Variants in FAM228B observed in about 807,000 individuals in gnomAD.
FAM228B encodes the protein family with sequence similarity 228 member B.
In FAM228B, 38 loss-of-function variants were observed where a neutral mutation model predicts 42.6. The ratio of observed to expected loss-of-function variants is 0.89; its 90% confidence interval spans 0.69 to 1.17. FAM228B has a LOEUF of 1.17. Ranked by LOEUF, FAM228B falls within the 50% of genes most tolerant of loss-of-function variation. The probability of loss-of-function intolerance (pLI) is 0.00; values close to 1 mark genes in which losing one functional copy is unlikely to be tolerated. For synonymous variants in FAM228B, 109 were observed against 122.3 expected, an observed-to-expected ratio of 0.89 and a Z score of 0.72; for missense variants, 344 against 367.3, an observed-to-expected ratio of 0.94 and a Z score of 0.52.
intron 3 of FAM228B, among the ~76,000 whole-genome samples, chr2:24,136,640 G>C (rs561593855): frequency 6.6e-6 from 1 of 152,134 alleles, no homozygotes; most frequent in African/African-American, 2.4e-5. Context: ...TAGGATTACC[G>C]GCGTGAGCCA....
intron 7 of FAM228B, among the ~76,000 whole-genome samples, chr2:24,156,046 G>T (rs1026954125): frequency 6.6e-6 from 1 of 152,174 alleles, no homozygotes; most frequent in Non-Finnish European, 1.5e-5. Flanking sequence ...AGAAGCTCAA[G>T]TGCTTAACGA....
rs1030617514 is a variant in FAM228B, at chr2:24,167,708, C to T, written c.*14+25C>T. ...GGTAGATGTCTTCTCTCTTTCCCTT[C>T]TTACTCTCCTATTCCTTACCCCTGT... is the stretch of plus-strand genomic sequence containing the variant. On this transcript the variant is annotated intron_variant, in intron 10 of 10. Transcript: ENST00000615575. 6 of 1,550,792 alleles carry T rather than the reference C, an allele frequency of 3.9e-6. No homozygotes were observed. In the African/African-American group the frequency reaches 8.2e-5, roughly 21 times the overall value.
intron 2 of FAM228B, among the ~76,000 whole-genome samples, chr2:24,091,422 T>C (rs12713185): frequency 0.12 from 18,127 of 152,018 alleles, 1,263 homozygotes; most frequent in South Asian, 0.18. Flanking sequence ...CAGAGTGAGA[T>C]TCCGTCTCAA....
At position 24,080,884 on chromosome 2, in the gene FAM228B, C is replaced by T. The variant is rs1664970707; in HGVS notation, c.-281C>T. 2.5e-6 allele frequency: 4 copies of T among 1,614,192 alleles called. No homozygotes were observed. The highest frequency in any genetic ancestry group is 3.4e-6 in the Non-Finnish European group (4 of 1,180,048). Reference sequence around the variant, plus strand: ...TTTGTAATTGAATCCAGCAGCTGCTCCAAGCTTTTCTGCCATTTGAAGCTT... The same window carrying T: ...TTTGTAATTGAATCCAGCAGCTGCTTCAAGCTTTTCTGCCATTTGAAGCTT... On this transcript the variant is annotated 5_prime_UTR_variant, in exon 2 of 11. Transcript: ENST00000613899. The surrounding 1 kb of genome is among the most constrained non-coding windows in gnomAD (Gnocchi z 4.7).
intron 2 of FAM228B, among the ~76,000 whole-genome samples, chr2:24,094,790 G>A (rs1212612266): frequency 1.3e-5 from 2 of 152,178 alleles, no homozygotes; most frequent in African/African-American, 4.8e-5. Context: ...GCCTACATCA[G>A]GCTTTTAAAT....
At chr2:24,131,240 A>G (rs1666446710) in intron 2 of FAM228B, among the ~76,000 whole-genome samples, 1 of 152,180 alleles carries the variant, frequency 6.6e-6, no homozygotes, top group African/African-American at 2.4e-5. Context: ...GCCTTGTAGT[A>G]TAGTTTAAAG....
intron 3 of FAM228B, chr2:24,096,281 C>T (rs1206673152): frequency 6.6e-6 from 1 of 152,186 alleles, no homozygotes; most frequent in Admixed American, 6.5e-5. Context: ...TGGAGAATGA[C>T]TTTGACAAGT....
At chr2:24,130,868 T>G (rs1446974649) in intron 2 of FAM228B, among the ~76,000 whole-genome samples, 1 of 152,198 alleles carries the variant, frequency 6.6e-6, no homozygotes, top group Non-Finnish European at 1.5e-5. Flanking sequence ...CATGAAGTCT[T>G]TGCCCATGCC....
intron 1 of FAM228B, among the ~76,000 whole-genome samples, chr2:24,123,823 G>A (rs915465907): frequency 6.6e-6 from 1 of 152,094 alleles, no homozygotes; most frequent in Non-Finnish European, 1.5e-5. Context: ...TGGGCGCGAT[G>A]AGCGAGAGCG....
intron 3 of FAM228B, among the ~76,000 whole-genome samples, chr2:24,104,767 T>C (rs985432386): frequency 4.0e-5 from 6 of 151,740 alleles, no homozygotes; most frequent in African/African-American, 1.5e-4. Context: ...CCTCCTGTTG[T>C]CATAGGAAGC....
At chr2:24,091,463 A>T (rs1247235160) in intron 2 of FAM228B, among the ~76,000 whole-genome samples, 3 of 152,138 alleles carry the variant, frequency 2.0e-5, no homozygotes, top group Non-Finnish European at 2.9e-5. Context: ...ACAAACAAAT[A>T]CAAAAAACCA....
In FAM228B at chr2:24,142,664, G is replaced by A. The variant is rs1043134746; in HGVS notation, c.441+3214G>A. The A allele has an allele frequency of 2.6e-5, 4 of 152,256 alleles. No homozygotes were observed. In the East Asian group the frequency reaches 5.8e-4, roughly 22 times the overall value. The allele number at this position is 152,256 out of a possible 1,614,324, so 9.4% of individuals were successfully genotyped here. ...ATAGTTATTAAGTCTTGGGTATTTG[G>A]CGGATATTTTCTGGAAAATGAATGA... On this transcript the variant is annotated intron_variant, in intron 5 of 10. Transcript: ENST00000615575.
At position 24,084,345 on chromosome 2, in the gene FAM228B, G is replaced by GCAGGGCAGGGCAGGACAGGA. The variant is rs1241781221; in HGVS notation, c.-210+3405_-210+3424dup. ...CTAACATATTGTCTGAGGACACAGG[G>GCAGGGCAGGGCAGGACAGGA]CAGGGCAGGGCAGGACAGGACAGGG... On this transcript the variant is annotated intron_variant, in intron 2 of 10. Coordinates refer to the FAM228B transcript ENST00000613899. The surrounding 1 kb of genome is among the most constrained non-coding windows in gnomAD (Gnocchi z 8.4). 55 of 1,406,814 alleles carry GCAGGGCAGGGCAGGACAGGA rather than the reference G, an allele frequency of 3.9e-5. 4 individuals are homozygous for GCAGGGCAGGGCAGGACAGGA. The highest frequency in any genetic ancestry group is 5.1e-5 in the Non-Finnish European group (53 of 1,034,826). 87.1% of individuals were successfully genotyped at this position (1,406,814 alleles called of 1,614,324 possible).
chr2:24,120,678 C>T (rs898315417), upstream of FAM228B, among the ~76,000 whole-genome samples: 1 of 151,920 alleles, frequency 6.6e-6, no homozygotes, highest in Non-Finnish European at 1.5e-5. Context: ...GCCTCAGCCT[C>T]CCAAGTAGCT....
intron 2 of FAM228B, among the ~76,000 whole-genome samples, chr2:24,090,576 A>G (rs1412409463): frequency 6.6e-6 from 1 of 151,690 alleles, no homozygotes; most frequent in African/African-American, 2.4e-5. Flanking sequence ...AAAAAAAAAA[A>G]AAAAAAATAG....
intron 3 of FAM228B, among the ~76,000 whole-genome samples, chr2:24,116,893 AAG>A (rs147290185): frequency 0.12 from 17,648 of 151,294 alleles, 1,200 homozygotes; most frequent in South Asian, 0.18. Context: ...AAAAAAGAAA[AAG>A]AAAAACAGAA....
At chr2:24,120,074 G>T (rs1338150312), upstream of FAM228B, among the ~76,000 whole-genome samples, 1 of 152,082 alleles carries the variant, frequency 6.6e-6, no homozygotes, top group Middle Eastern at 3.2e-3. Context: ...TTTGAGACCA[G>T]CCTGGCCAAC....
At chr2:24,168,791 A>AGG (rs1223648398) in intron 10 of FAM228B, among the ~76,000 whole-genome samples, 1 of 152,078 alleles carries the variant, frequency 6.6e-6, no homozygotes, top group Non-Finnish European at 1.5e-5. Flanking sequence ...ACAGGTGAGG[A>AGG]GGCAGCACCC....
chr2:24,102,256 G>A (rs1665623327), intron 3 of FAM228B, among the ~76,000 whole-genome samples: 1 of 152,124 alleles, frequency 6.6e-6, no homozygotes, highest in African/African-American at 2.4e-5. Flanking sequence ...TCAGTTTCTG[G>A]AATTATACCA....
Sources: gnomAD v4.1 joint callset for allele counts (sites outside exome capture counted in the v4.1 genomes callset) on GRCh38, gnomAD v4.1.1 for gene constraint, Gnocchi (gnomAD v3.1) non-coding constraint, MANE v1.5 for transcripts, NCBI Gene and HGNC (gene_info 2026-07-23, HGNC 2026-07-21) for gene names.